Variants in SCAMP4 observed in about 807,000 individuals in gnomAD.
SCAMP4 encodes the protein secretory carrier-associated membrane protein 4.
A neutral mutation model predicts 32.1 loss-of-function variants in SCAMP4; 19 were observed. The ratio of observed to expected loss-of-function variants is 0.59; its 90% confidence interval spans 0.41 to 0.87. The LOEUF (loss-of-function observed/expected upper bound fraction) is 0.87. Among genes scored for constraint, SCAMP4 ranks in the 40% least tolerant of loss-of-function variants. The probability of loss-of-function intolerance (pLI) is 0.00; values close to 1 mark genes in which losing one functional copy is unlikely to be tolerated. For synonymous variants in SCAMP4, 152 were observed against 132.7 expected, an observed-to-expected ratio of 1.15 and a Z score of -1.00; for missense variants, 302 against 309.0, an observed-to-expected ratio of 0.98 and a Z score of 0.17.
intron 1 of SCAMP4, among the ~76,000 whole-genome samples, chr19:1,911,273 G>T (rs946845656): frequency 2.6e-5 from 4 of 151,972 alleles, no homozygotes; most frequent in African/African-American, 9.7e-5. Context: ...CCGGCCTCAA[G>T]TGCTCCTCCT....
intron 6 of SCAMP4, among the ~76,000 whole-genome samples, 199 bp downstream of exon 6, chr19:1,923,386 T>C (rs4806820): frequency 0.91 from 138,696 of 152,206 alleles, 63,259 homozygotes; most frequent in South Asian, 0.96. Context: ...ACCCAGCGCC[T>C]GGGTTCCTAT....
chr19:1,906,124 C>T (rs2013100590), intron 1 of SCAMP4: 1 of 152,244 alleles, frequency 6.6e-6, no homozygotes, highest in Admixed American at 6.5e-5. Flanking sequence ...CTTTGGGAGG[C>T]CAAGGCGAGT....
intron 1 of SCAMP4, among the ~76,000 whole-genome samples, chr19:1,911,657 C>T (rs2013454796): frequency 6.6e-6 from 1 of 152,186 alleles, no homozygotes; most frequent in Non-Finnish European, 1.5e-5. Flanking sequence ...GTGGCGCATG[C>T]CTGTAATCCC....
chr19:1,912,315 C>T (rs769972474), intron 1 of SCAMP4: 2 of 1,554,866 alleles, frequency 1.3e-6, no homozygotes, highest in Non-Finnish European at 1.7e-6. Flanking sequence ...CGCCCAGCCT[C>T]ACCTCAAGCG....
chr19:1,912,811 G>T (rs780211497), intron 1 of SCAMP4: 1 of 1,584,210 alleles, frequency 6.3e-7, no homozygotes. Context: ...CAGGGCCGCG[G>T]CACCTACGAC....
In SCAMP4 at chr19:1,921,494, C is replaced by T. The variant is rs2013918765; in HGVS notation, c.396-1576C>T. 3 of 985,316 alleles carry T rather than the reference C, an allele frequency of 3.0e-6. No individual in the cohort carries two copies. The Admixed American group carries it at 1.8e-4, about 61-fold the overall frequency. 61.0% of individuals were successfully genotyped at this position (985,316 alleles called of 1,614,324 possible). Reference sequence around the variant, plus strand: ...GCCAGGAATCGGACATCAGCGGGCGCCGCAGCCTCTAAGCGGAGCATGCAG... The same window carrying T: ...GCCAGGAATCGGACATCAGCGGGCGTCGCAGCCTCTAAGCGGAGCATGCAG... On this transcript the variant is annotated intron_variant, in intron 5 of 6. Transcript: ENST00000316097.
intron 3 of SCAMP4, 23 bp from the exon 4 acceptor site, chr19:1,918,104 C>T: frequency 6.3e-7 from 1 of 1,594,444 alleles, no homozygotes; most frequent in Non-Finnish European, 8.6e-7. Context: ...GCCTGCTCAT[C>T]CGTCCTCCCT....
At chr19:1,914,277 G>A (rs1036597533) in intron 1 of SCAMP4, among the ~76,000 whole-genome samples, 1 of 152,180 alleles carries the variant, frequency 6.6e-6, no homozygotes, top group African/African-American at 2.4e-5. Flanking sequence ...ACGGTGACAT[G>A]TTCCTGAACG....
At chr19:1,913,096 A>C in intron 1 of SCAMP4, 1 of 1,598,758 alleles carries the variant, frequency 6.3e-7, no homozygotes, top group Non-Finnish European at 8.5e-7. Context: ...CACCGCTTCC[A>C]GGTGTTCCGC....
At chr19:1,922,879 C>G (rs779303526) in intron 5 of SCAMP4, 191 bp from the exon 6 acceptor site, 2 of 1,328,606 alleles carry the variant, frequency 1.5e-6, no homozygotes, top group Admixed American at 7.6e-5. Context: ...GGGATAAGGT[C>G]GTATTCACGC....
At chr19:1,916,143 G>T (rs1196383359) in intron 2 of SCAMP4, among the ~76,000 whole-genome samples, 1 of 151,558 alleles carries the variant, frequency 6.6e-6, no homozygotes, top group Non-Finnish European at 1.5e-5. Flanking sequence ...GGAGGCTGAG[G>T]CAGGAGAATC....
At chr19:1,911,853 T>A (rs1355679560) in intron 1 of SCAMP4, 1 of 533,428 alleles carries the variant, frequency 1.9e-6, no homozygotes, top group Non-Finnish European at 2.9e-6. Flanking sequence ...TCTTCGTTTT[T>A]AAAAACCAAT....
At chr19:1,912,910 A>G (rs2013560192) in intron 1 of SCAMP4, 2 of 1,609,408 alleles carry the variant, frequency 1.2e-6, no homozygotes, top group Non-Finnish European at 1.7e-6. Context: ...GACGCAGACG[A>G]GGACGGCCTC....
intron 2 of SCAMP4, among the ~76,000 whole-genome samples, chr19:1,916,015 G>A (rs887179155): frequency 1.3e-5 from 2 of 151,238 alleles, no homozygotes; most frequent in African/African-American, 4.9e-5. Context: ...GGAGGCCGAG[G>A]TGGGCAGATG....
chr19:1,920,945 T>C (rs1237380418), intron 5 of SCAMP4: 1 of 985,330 alleles, frequency 1.0e-6, no homozygotes, highest in African/African-American at 1.7e-5. Context: ...CATTGGAGCC[T>C]GGGTCATCTC....
At chr19:1,905,644 G>T (rs1313692201) in intron 1 of SCAMP4, 2 of 158,860 alleles carry the variant, frequency 1.3e-5, no homozygotes, top group East Asian at 2.0e-4. Flanking sequence ...GCGCGCGCGC[G>T]CGCGGCGCTG....
At chr19:1,919,076 G>C in intron 5 of SCAMP4, 86 bp downstream of exon 5, 1 of 1,550,070 alleles carries the variant, frequency 6.5e-7, no homozygotes, top group South Asian at 1.2e-5. Context: ...GCGGCCACCG[G>C]AGCGTGCTGG....
rs75028513 is a variant in SCAMP4, at chr19:1,923,278, C to T, written c.513+91C>T. 2,431 of 1,124,576 alleles carry T rather than the reference C, an allele frequency of 2.2e-3. 30 individuals are homozygous for T. The African/African-American group carries it at 0.029, about 13-fold the overall frequency. The allele number at this position is 1,124,576 out of a possible 1,614,324, so 69.7% of individuals were successfully genotyped here. A position where few individuals can be genotyped will look rare whatever the true frequency, so the allele number is the denominator to read the frequency against. ...CCCAGGTGGGTGAACGTCGAGGAGC[C>T]GGGCCCTCTCCCCACGGTGTCACGC... is the stretch of plus-strand genomic sequence containing the variant. On this transcript the variant is annotated intron_variant, in intron 6 of 6. Transcript: ENST00000316097.
At chr19:1,913,790 A>G (rs1374068269) in intron 1 of SCAMP4, among the ~76,000 whole-genome samples, 1 of 152,204 alleles carries the variant, frequency 6.6e-6, no homozygotes, top group Non-Finnish European at 1.5e-5. Flanking sequence ...TGAGGACTAG[A>G]GCCGTTTTTG....
Sources: gnomAD v4.1 joint callset for allele counts (sites outside exome capture counted in the v4.1 genomes callset) on GRCh38, gnomAD v4.1.1 for gene constraint, MANE v1.5 for transcripts, NCBI Gene and HGNC (gene_info 2026-07-23, HGNC 2026-07-21) for gene names.